DIAPH2: variants seen among roughly 807,000 people sequenced by gnomAD.
DIAPH2 encodes the protein protein diaphanous homolog 2.
DIAPH2 carries 35 observed loss-of-function variants against 92.7 expected under a neutral mutation model. That is an observed-to-expected ratio of 0.38 (90% CI 0.29 to 0.50). The LOEUF is 0.50. Ranked by LOEUF, DIAPH2 falls within the 20% of genes least tolerant of loss-of-function variation. The pLI, the probability that DIAPH2 is intolerant of heterozygous loss-of-function variation, is 0.94. For synonymous variants in DIAPH2, 301 were observed against 280.4 expected (o/e 1.07, Z -0.73); for missense variants, 701 against 819.5 (o/e 0.86, Z 1.77).
chrX:97,147,859 A>G (rs186697906), intron 22 of DIAPH2, among the ~76,000 whole-genome samples: 1 of 111,586 alleles, frequency 9.0e-6, no homozygotes, highest in Non-Finnish European at 1.9e-5. Context: ...CTGTTTATCC[A>G]CTCTGACTTT....
intron 4 of DIAPH2, among the ~76,000 whole-genome samples, chrX:96,854,597 TCA>T (rs1491464225): frequency 4.8e-5 from 3 of 62,241 alleles, no homozygotes; most frequent in Non-Finnish European, 6.0e-5. Context: ...TCTCTCTCTC[TCA>T]TATATATATA....
intron 4 of DIAPH2, among the ~76,000 whole-genome samples, chrX:96,791,065 T>C (rs903176434): frequency 8.9e-6 from 1 of 112,142 alleles, no homozygotes; most frequent in African/African-American, 3.2e-5. Flanking sequence ...TCACTGATTA[T>C]GCCTGATAAA....
intron 23 of DIAPH2, among the ~76,000 whole-genome samples, chrX:97,301,864 A>T (rs1169966151): frequency 9.0e-6 from 1 of 110,962 alleles, no homozygotes; most frequent in Admixed American, 9.7e-5. Context: ...TCAACAAAGG[A>T]CGATAGAACT....
chrX:96,778,495 C>G (rs1017401422), intron 4 of DIAPH2, among the ~76,000 whole-genome samples: 1 of 110,542 alleles, frequency 9.0e-6, no homozygotes, highest in Non-Finnish European at 1.9e-5. Flanking sequence ...GTCTCTCTTA[C>G]GAACAGGGAC....
chrX:97,141,636 C>T, intron 21 of DIAPH2, 29 bp from the exon 22 acceptor site: 2 of 1,154,913 alleles, frequency 1.7e-6, no homozygotes, highest in Middle Eastern at 5.2e-4. Flanking sequence ...TAAAAAATTA[C>T]TAAAAAATGT....
chrX:97,045,213 G>A (rs2066473308), intron 17 of DIAPH2, among the ~76,000 whole-genome samples: 1 of 112,245 alleles, frequency 8.9e-6, no homozygotes, highest in African/African-American at 3.2e-5. Flanking sequence ...TTTGGCCTAA[G>A]CAACTAGTTG....
chrX:97,050,909 A>AG (rs2066516224), intron 17 of DIAPH2, among the ~76,000 whole-genome samples: 1 of 112,202 alleles, frequency 8.9e-6, no homozygotes, highest in Admixed American at 9.4e-5. Flanking sequence ...CACGGAGTGA[A>AG]GGTGGTAACA....
chrX:97,116,255 T>C (rs1302826504), intron 21 of DIAPH2, among the ~76,000 whole-genome samples: 1 of 112,077 alleles, frequency 8.9e-6, no homozygotes, highest in Non-Finnish European at 1.9e-5. Context: ...TAGATAATAA[T>C]AGGATGTACA....
chrX:97,421,990 C>T (rs1353413812), intron 25 of DIAPH2, among the ~76,000 whole-genome samples: 1 of 111,154 alleles, frequency 9.0e-6, no homozygotes, highest in African/African-American at 3.3e-5. Flanking sequence ...TCTTTTTTAC[C>T]CCCTTAAAAT....
At chrX:96,891,710 C>A (rs1219803729) in intron 5 of DIAPH2, among the ~76,000 whole-genome samples, 1 of 111,976 alleles carries the variant, frequency 8.9e-6, no homozygotes, top group Admixed American at 9.5e-5. Flanking sequence ...GCCTAGAATT[C>A]TTGTTAGAGT....
At chrX:97,083,963 G>C (rs1020375902) in intron 19 of DIAPH2, among the ~76,000 whole-genome samples, 2 of 110,472 alleles carry the variant, frequency 1.8e-5, no homozygotes, top group African/African-American at 3.3e-5. Context: ...GGTCATAATT[G>C]TTTTCCACCT....
chrX:97,585,288 C>T (rs900577005), intron 26 of DIAPH2, among the ~76,000 whole-genome samples: 4 of 103,234 alleles, frequency 3.9e-5, no homozygotes, highest in Non-Finnish European at 7.8e-5. Context: ...TTGGCTGCAA[C>T]ATTGGGAATT....
chrX:96,713,572 G>T (rs908307886), intron 1 of DIAPH2, among the ~76,000 whole-genome samples: 2 of 111,596 alleles, frequency 1.8e-5, no homozygotes, highest in Non-Finnish European at 3.8e-5. Context: ...ATAATGGCAT[G>T]GATTTACCAT....
intron 21 of DIAPH2, among the ~76,000 whole-genome samples, chrX:97,115,490 C>T (rs189402336): frequency 1.2e-3 from 128 of 110,968 alleles, no homozygotes; most frequent in African/African-American, 3.8e-3. Context: ...GAGCCGAGAT[C>T]ATGCCACTGT....
At chrX:97,465,150 G>A (rs1435594447) in intron 26 of DIAPH2, among the ~76,000 whole-genome samples, 1 of 110,945 alleles carries the variant, frequency 9.0e-6, no homozygotes, top group Non-Finnish European at 1.9e-5. Flanking sequence ...CCCGGCCATG[G>A]CTACATAAAT....
chrX:97,022,222 G>GTT (rs2066303129), intron 17 of DIAPH2, among the ~76,000 whole-genome samples: 1 of 112,183 alleles, frequency 8.9e-6, no homozygotes. Flanking sequence ...GGTCTATCTA[G>GTT]TTTTAGGATT....
At chrX:97,257,147 T>C (rs1027350146) in intron 23 of DIAPH2, among the ~76,000 whole-genome samples, 7 of 111,589 alleles carry the variant, frequency 6.3e-5, no homozygotes, top group Non-Finnish European at 9.4e-5. Context: ...TGGAAAAAAA[T>C]ATATGACATT....
At chrX:97,295,438 G>A (rs1054093734) in intron 23 of DIAPH2, among the ~76,000 whole-genome samples, 2 of 111,554 alleles carry the variant, frequency 1.8e-5, no homozygotes, top group African/African-American at 3.3e-5. Flanking sequence ...CTTAAATTAC[G>A]ACAATGAAAT....
intron 26 of DIAPH2, among the ~76,000 whole-genome samples, chrX:97,471,420 G>A (rs755680336): frequency 8.9e-6 from 1 of 111,790 alleles, no homozygotes; most frequent in South Asian, 3.8e-4. Flanking sequence ...GCCGGGCATG[G>A]TGGCTCACGC....
Sources: allele counts gnomAD v4.1 joint callset (sites outside exome capture counted in the v4.1 genomes callset), GRCh38; gene constraint gnomAD v4.1.1; transcripts MANE v1.5; gene names NCBI Gene and HGNC (gene_info 2026-07-23, HGNC 2026-07-21).